The following NRXN2 variants were observed in gnomAD, a reference collection of about 807,000 sequenced individuals.
NRXN2 encodes neurexin-2-beta.
In NRXN2, 29 loss-of-function variants were observed where a neutral mutation model predicts 128.8. The observed-to-expected ratio is 0.23, with a 90% CI of 0.17 to 0.31. The LOEUF (loss-of-function observed/expected upper bound fraction) is 0.31, where lower values mean the gene tolerates loss of function less well. Ranked by LOEUF, NRXN2 falls within the 10% of genes least tolerant of loss-of-function variation. NRXN2 has a pLI of 1.00. For synonymous variants in NRXN2, 1,098 were observed against 1,075.2 expected, an observed-to-expected ratio of 1.02 and a Z score of -0.41; for missense variants, 1,881 against 2,452.6, an observed-to-expected ratio of 0.77 and a Z score of 4.92.
intron 22 of NRXN2, among the ~76,000 whole-genome samples, chr11:64,611,530 A>C (rs1043426154): frequency 6.6e-6 from 1 of 152,200 alleles, no homozygotes; most frequent in African/African-American, 2.4e-5. Flanking sequence ...TGACAGGCTG[A>C]TCAGGGCACA....
intron 17 of NRXN2, among the ~76,000 whole-genome samples, chr11:64,638,427 G>C (rs550485621): frequency 5.3e-5 from 8 of 152,170 alleles, no homozygotes; most frequent in Non-Finnish European, 1.2e-4. Context: ...TGGGGTTCGG[G>C]AGACCGCGGG....
chr11:64,700,787 TG>T (rs1271046787), intron 2 of NRXN2, among the ~76,000 whole-genome samples: 5 of 152,208 alleles, frequency 3.3e-5, no homozygotes, highest in African/African-American at 1.2e-4. Context: ...CTCTCTCCTG[TG>T]CTCTTGACCT....
intron 14 of NRXN2, 70 bp from the exon 15 acceptor site, chr11:64,650,708 G>A: frequency 1.4e-6 from 2 of 1,451,926 alleles, no homozygotes; most frequent in South Asian, 1.1e-5. Context: ...GTGAGGAGGA[G>A]CTATGGCTGG....
At chr11:64,644,295 A>G (rs996934893) in intron 17 of NRXN2, among the ~76,000 whole-genome samples, 6 of 150,798 alleles carry the variant, frequency 4.0e-5, no homozygotes, top group Non-Finnish European at 8.9e-5. Flanking sequence ...CACACGTACA[A>G]CTCCCCACCA....
intron 2 of NRXN2, among the ~76,000 whole-genome samples, chr11:64,699,574 G>A (rs778138286): frequency 7.3e-5 from 11 of 151,558 alleles, no homozygotes; most frequent in Non-Finnish European, 1.5e-4. Context: ...TACCACACCC[G>A]GCTACTTTTT....
In NRXN2 at chr11:64,635,313, C is replaced by T. The variant is rs1161207978; in HGVS notation, c.3543G>A (p.Val1181=). ...THQRSAVLVR[V]DSASGLGDYL... is the part of the protein sequence containing the mutation. ...AGTCTCCAAGGCCGGAGGCGCTGTCCACCCGCACCAGCACAGCGCTCCGCT... is the reference window on the plus strand; with the variant it reads ...AGTCTCCAAGGCCGGAGGCGCTGTCTACCCGCACCAGCACAGCGCTCCGCT... Residue 1181 remains valine (V), a synonymous_variant, in exon 18 of 23, where the codon GTG becomes GTA. Coordinates refer to ENST00000265459, the MANE Select transcript of NRXN2 (RefSeq NM_015080.4). This position sits in a 1 kb window ranked among gnomAD's most constrained non-coding sequence, Gnocchi z 4.8. 1.2e-6 allele frequency: 2 copies of T among 1,613,464 alleles called. No homozygotes were observed. The highest frequency in any genetic ancestry group is 1.7e-6 in the Non-Finnish European group (2 of 1,180,004).
intron 11 of NRXN2, among the ~76,000 whole-genome samples, chr11:64,655,681 G>A (rs2048167565): frequency 6.6e-6 from 1 of 152,174 alleles, no homozygotes; most frequent in Admixed American, 6.5e-5. Flanking sequence ...CCAGAGAAGA[G>A]GTGTCAGCTC....
rs1591557173 is a variant in NRXN2, at chr11:64,623,246, A to G, written c.3848-168T>C. On this transcript the variant is annotated intron_variant, in intron 20 of 22. Coordinates refer to ENST00000265459, the MANE Select transcript of NRXN2 (RefSeq NM_015080.4). This position sits in a 1 kb window ranked among gnomAD's most constrained non-coding sequence, Gnocchi z 4.9. The stretch of plus-strand genomic sequence containing the variant: ...GAGGAAGGGGCAGAAAGCCAAAGGG[A>G]AAGTCCTTGTCAGCCACAGCCCCTA... 1 of 1,217,926 alleles carries G rather than the reference A, an allele frequency of 8.2e-7. No homozygotes were observed. Among genetic ancestry groups the G allele is most frequent in the Non-Finnish European group, 1.1e-6 (1 of 899,184 alleles). 75.4% of individuals were successfully genotyped at this position (1,217,926 alleles called of 1,614,324 possible).
At chr11:64,626,853 G>A (rs1591585454) in intron 19 of NRXN2, among the ~76,000 whole-genome samples, 1 of 152,146 alleles carries the variant, frequency 6.6e-6, no homozygotes, top group South Asian at 2.1e-4. Context: ...GGTTAAACAG[G>A]TTTATCTGTG....
At chr11:64,642,095 C>T (rs2045762259) in intron 17 of NRXN2, among the ~76,000 whole-genome samples, 1 of 151,076 alleles carries the variant, frequency 6.6e-6, no homozygotes, top group African/African-American at 2.4e-5. Context: ...GACAGACCAG[C>T]GATGGAAGGG....
intron 1 of NRXN2, among the ~76,000 whole-genome samples, chr11:64,720,818 T>C (rs2057415383): frequency 6.6e-6 from 1 of 151,802 alleles, no homozygotes; most frequent in Non-Finnish European, 1.5e-5. Context: ...CCACATGCTG[T>C]GTAGACCTGG....
intron 17 of NRXN2, chr11:64,642,898 C>T (rs1460898630): frequency 1.9e-6 from 2 of 1,031,074 alleles, no homozygotes; most frequent in Non-Finnish European, 2.3e-6. Flanking sequence ...CTCCGAGCTC[C>T]GGGAGCGGGG....
chr11:64,648,341 G>A lies in NRXN2; in HGVS notation c.3284-3C>T. 6.2e-7 allele frequency: 1 copy of A among 1,614,168 alleles called. No individual in the cohort carries two copies. Among genetic ancestry groups the A allele is most frequent in the South Asian group, 1.1e-5 (1 of 91,082 alleles). On this transcript the variant is annotated splice_region_variant and splice_polypyrimidine_tract_variant and intron_variant, in intron 16 of 22. Transcript: ENST00000265459. This position sits in a 1 kb window ranked among gnomAD's most constrained non-coding sequence, Gnocchi z 4.1. ...TTCAGTGCAGGTGGTGCTGGGGCCTGGAAGGGGCAGGAGAAAGGAACACCC... is the reference window on the plus strand; with the variant it reads ...TTCAGTGCAGGTGGTGCTGGGGCCTAGAAGGGGCAGGAGAAAGGAACACCC...
At chr11:64,625,999 A>G (rs562801349) in intron 20 of NRXN2, among the ~76,000 whole-genome samples, 1 of 151,974 alleles carries the variant, frequency 6.6e-6, no homozygotes, top group South Asian at 2.1e-4. Context: ...AGCCTTCCTA[A>G]ACCTCCTCAG....
intron 22 of NRXN2, among the ~76,000 whole-genome samples, chr11:64,617,176 A>ATGTG (rs1343893430): frequency 6.8e-6 from 1 of 147,120 alleles, no homozygotes; most frequent in Admixed American, 6.7e-5. Context: ...GTGTGTGTGT[A>ATGTG]TGTGTGTGTG....
chr11:64,683,248 C>T (rs1032158531), intron 6 of NRXN2, among the ~76,000 whole-genome samples: 6 of 152,194 alleles, frequency 3.9e-5, no homozygotes, highest in African/African-American at 1.4e-4. Flanking sequence ...AATATTGATT[C>T]AAACCACTCC....
chr11:64,626,713 C>A (rs1177465828), intron 19 of NRXN2, among the ~76,000 whole-genome samples, 161 bp from the exon 20 acceptor site: 4 of 152,138 alleles, frequency 2.6e-5, no homozygotes, highest in Admixed American at 2.0e-4. Flanking sequence ...TTTCCCTTGA[C>A]CCCCTCCCTA....
intron 22 of NRXN2, among the ~76,000 whole-genome samples, chr11:64,617,474 C>T (rs1176234092): frequency 1.3e-5 from 2 of 152,198 alleles, no homozygotes; most frequent in Non-Finnish European, 2.9e-5. Flanking sequence ...CAAAAGCCAA[C>T]CTCAGCTAAA....
chr11:64,712,990 C>G lies in NRXN2; in HGVS notation c.710G>C (p.Gly237Ala), dbSNP rs1316812297. 6.7e-7 allele frequency: 1 copy of G among 1,497,050 alleles called. No individual in the cohort carries two copies. The highest frequency in any genetic ancestry group is 8.9e-7 in the Non-Finnish European group (1 of 1,128,320). The allele number at this position is 1,497,050 out of a possible 1,614,324, so 92.7% of individuals were successfully genotyped here. ...CTCACCTTCGCTGCAGAACTTGCCG[C>G]CGAAGCCCGTGTGGCTGCAGTCGCA... ...VGCDCSHTGF[G>A]GKFCSEEEHP... The change falls in exon 2 of 23, where the codon GGC becomes GCC. Residue 237 changes from glycine to alanine, a missense_variant. By Grantham distance (60) the Gly-to-Ala change is moderately conservative. This residue lies in a region of NRXN2 where 997 missense variants were observed against 1,240.8 expected (regional missense o/e 0.80). Transcript: ENST00000265459.
Sources: gnomAD v4.1 joint callset for allele counts (sites outside exome capture counted in the v4.1 genomes callset) on GRCh38, gnomAD v4.1.1 for gene constraint, gnomAD v4.1.1 regional missense constraint, Gnocchi (gnomAD v3.1) non-coding constraint, MANE v1.5 for transcripts, NCBI Gene and HGNC (gene_info 2026-07-23, HGNC 2026-07-21) for gene names.